The following PTPRO variants were observed in gnomAD, a reference collection of about 807,000 sequenced individuals.
PTPRO encodes protein tyrosine phosphatase receptor type O, also known as receptor-type tyrosine-protein phosphatase O.
In PTPRO, 62 loss-of-function variants were observed where a neutral mutation model predicts 145.2. That is an observed-to-expected ratio of 0.43 (90% CI 0.35 to 0.53). The LOEUF is 0.53. PTPRO is among the 20% of genes least tolerant of loss of function. The pLI is 0.01. For synonymous variants in PTPRO, 565 were observed against 514.7 expected, an observed-to-expected ratio of 1.10 and a Z score of -1.32; for missense variants, 1,345 against 1,482.7, an observed-to-expected ratio of 0.91 and a Z score of 1.53.
At chr12:15,523,584 A>G (rs1311662915) in intron 10 of PTPRO, among the ~76,000 whole-genome samples, 1 of 152,062 alleles carries the variant, frequency 6.6e-6, no homozygotes, top group Non-Finnish European at 1.5e-5. Context: ...AGACAAGTCT[A>G]GGCAATATAG....
intron 12 of PTPRO, among the ~76,000 whole-genome samples, chr12:15,530,883 G>T (rs1189699748): frequency 6.6e-6 from 1 of 151,842 alleles, no homozygotes; most frequent in Non-Finnish European, 1.5e-5. Flanking sequence ...GGTCAGAGCA[G>T]AAATAAATGA....
intron 1 of PTPRO, among the ~76,000 whole-genome samples, chr12:15,367,325 G>A (rs1421967076): frequency 6.6e-6 from 1 of 152,210 alleles, no homozygotes; most frequent in Non-Finnish European, 1.5e-5. Flanking sequence ...ATAAAGGAAA[G>A]AGTTTAAAAA....
intron 1 of PTPRO, among the ~76,000 whole-genome samples, chr12:15,431,513 G>A (rs983496160): frequency 2.6e-5 from 4 of 152,108 alleles, no homozygotes; most frequent in African/African-American, 9.7e-5. Flanking sequence ...TTTAGTAGGT[G>A]TGCAACCAAA....
At chr12:15,439,894 C>T in intron 1 of PTPRO, 1 of 657,054 alleles carries the variant, frequency 1.5e-6, no homozygotes, top group Non-Finnish European at 2.8e-6. Flanking sequence ...ACACCAAGTT[C>T]AAGGTGTTTG....
intron 24 of PTPRO, chr12:15,587,283 G>A (rs760999435): frequency 5.2e-5 from 27 of 521,680 alleles, no homozygotes; most frequent in Admixed American, 4.9e-4. Flanking sequence ...GAAAAAAATA[G>A]AGAAGGGTAG....
At chr12:15,459,729 A>G (rs1055255333) in intron 1 of PTPRO, among the ~76,000 whole-genome samples, 14 of 152,326 alleles carry the variant, frequency 9.2e-5, no homozygotes, top group East Asian at 5.8e-4. Context: ...AATGCCTTCT[A>G]TGTAACAGAG....
chr12:15,423,947 G>A (rs1181250978), intron 1 of PTPRO, among the ~76,000 whole-genome samples: 1 of 152,152 alleles, frequency 6.6e-6, no homozygotes, highest in South Asian at 2.1e-4. Context: ...GAATTTAAGG[G>A]CACAAGTTAG....
In PTPRO at chr12:15,586,979, G is replaced by A. The variant is rs1944442998; in HGVS notation, c.3338G>A (p.Ser1113Asn). The A allele has an allele frequency of 1.9e-6, 3 of 1,614,074 alleles. No homozygotes were observed. Among genetic ancestry groups the A allele is most frequent in the Non-Finnish European group, 2.5e-6 (3 of 1,179,956 alleles). Residue 1113 changes from serine (S) to asparagine (N), a missense_variant, in exon 24 of 27, where the codon AGT becomes AAT. Around this residue, in one of 3 missense-constraint regions of PTPRO, gnomAD observed 208 missense variants for 242.8 expected, o/e 0.86. Coordinates refer to ENST00000281171, the MANE Select transcript of PTPRO (RefSeq NM_030667.3). The part of the protein sequence containing the change: ...HGVPTANAAE[S>N]ILQFVHMVRQ... ...GTGCCCACAGCAAATGCTGCAGAAA[G>A]TATCCTGCAGTTTGTACACATGGTC...
chr12:15,341,630 A>G (rs1324507788), intron 1 of PTPRO, among the ~76,000 whole-genome samples: 5 of 152,242 alleles, frequency 3.3e-5, no homozygotes, highest in African/African-American at 1.2e-4. Flanking sequence ...TACTATTATT[A>G]AAGGCATACT....
chr12:15,579,967 G>A, intron 20 of PTPRO, 72 bp from the exon 21 acceptor site: 2 of 1,174,312 alleles, frequency 1.7e-6, no homozygotes, highest in African/African-American at 1.5e-5. Flanking sequence ...ACTTAATATT[G>A]GATAGAAAGG....
intron 16 of PTPRO, among the ~76,000 whole-genome samples, chr12:15,558,739 A>G (rs1943702031): frequency 6.6e-6 from 1 of 152,234 alleles, no homozygotes; most frequent in Non-Finnish European, 1.5e-5. Flanking sequence ...GAAATTTTAC[A>G]GAATCAATGA....
intron 1 of PTPRO, among the ~76,000 whole-genome samples, chr12:15,479,005 C>T (rs1941721131): frequency 6.6e-6 from 1 of 152,174 alleles, no homozygotes; most frequent in Admixed American, 6.5e-5. Context: ...ATACTCTTCT[C>T]ATCTTCACTC....
chr12:15,358,323 T>A (rs1268228116), intron 1 of PTPRO, among the ~76,000 whole-genome samples: 2 of 151,532 alleles, frequency 1.3e-5, no homozygotes, highest in Admixed American at 1.3e-4. Flanking sequence ...GCATGGCACA[T>A]GTATACATAT....
At chr12:15,532,793 C>T (rs144823738) in intron 12 of PTPRO, among the ~76,000 whole-genome samples, 105 of 152,250 alleles carry the variant, frequency 6.9e-4, no homozygotes, top group African/African-American at 2.4e-3. Flanking sequence ...TGTAAAGGGC[C>T]GTTCAAAAAC....
At chr12:15,580,153 C>A in intron 21 of PTPRO, 38 bp downstream of exon 21, 2 of 1,507,038 alleles carry the variant, frequency 1.3e-6, no homozygotes, top group Non-Finnish European at 9.2e-7. Context: ...CCAAAGCTAA[C>A]CAGCCAGAGA....
Position 15,563,936 on chromosome 12 carries a change from A to G in PTPRO, c.2712-1657A>G, listed in dbSNP as rs146220598. On this transcript the variant is annotated intron_variant, in intron 17 of 26. Transcript: ENST00000281171. Reference sequence around the variant, plus strand: ...CACTGAAGTAATTGGCTCTTACTACAGGAAGTAAATGTGGAACTCCTAAAA... The same window carrying G: ...CACTGAAGTAATTGGCTCTTACTACGGGAAGTAAATGTGGAACTCCTAAAA... Among the ~76,000 whole-genome samples the G allele has an allele frequency of 1.7e-3, 264 of 152,300 alleles. 1 individual carries two copies. Among genetic ancestry groups the G allele is most frequent in the Middle Eastern group, 0.017 (5 of 294 alleles).
At chr12:15,509,680 C>T (rs1942397657) in intron 7 of PTPRO, among the ~76,000 whole-genome samples, 1 of 129,456 alleles carries the variant, frequency 7.7e-6, no homozygotes, top group African/African-American at 2.7e-5. Context: ...GAGTGAGACT[C>T]CGTCTCAAAA....
intron 1 of PTPRO, among the ~76,000 whole-genome samples, chr12:15,363,717 G>A (rs1938277548): frequency 6.6e-6 from 1 of 151,894 alleles, no homozygotes; most frequent in Non-Finnish European, 1.5e-5. Flanking sequence ...CATCATTGAA[G>A]ACCTAACCTA....
chr12:15,544,510 A>AAAAG (rs1943242951), intron 12 of PTPRO, among the ~76,000 whole-genome samples: 1 of 149,990 alleles, frequency 6.7e-6, no homozygotes, highest in South Asian at 2.1e-4. Flanking sequence ...CCATCTCAAA[A>AAAAG]AAAAAAAAAA....
Sources: allele counts gnomAD v4.1 joint callset (sites outside exome capture counted in the v4.1 genomes callset), GRCh38; gene constraint gnomAD v4.1.1; regional missense constraint gnomAD v4.1.1; transcripts MANE v1.5; gene names NCBI Gene and HGNC (gene_info 2026-07-23, HGNC 2026-07-21).